NTM: variants seen among roughly 807,000 people sequenced by gnomAD.
NTM encodes neurotrimin.
A neutral mutation model predicts 42.1 loss-of-function variants in NTM; 13 were observed. The ratio of observed to expected loss-of-function variants is 0.31; its 90% confidence interval spans 0.20 to 0.49. The LOEUF (loss-of-function observed/expected upper bound fraction) is 0.49. NTM is among the 20% of genes least tolerant of loss of function. The pLI is 0.99. For synonymous variants in NTM, 187 were observed against 179.2 expected (o/e 1.04, Z -0.35); for missense variants, 373 against 452.8 (o/e 0.82, Z 1.60).
intron 2 of NTM, among the ~76,000 whole-genome samples, chr11:132,051,994 A>G (rs2078920867): frequency 6.6e-6 from 1 of 152,216 alleles, no homozygotes; most frequent in Admixed American, 6.5e-5. Flanking sequence ...GGTCAGAGAC[A>G]GGTGGGAGGC....
intron 1 of NTM, among the ~76,000 whole-genome samples, chr11:131,870,118 C>T (rs192043227): frequency 6.6e-6 from 1 of 152,100 alleles, no homozygotes; most frequent in African/African-American, 2.4e-5. Context: ...TTGCTTTTAT[C>T]GAGTCCATTT....
intron 3 of NTM, among the ~76,000 whole-genome samples, chr11:132,186,819 C>A (rs2078472166): frequency 6.6e-6 from 1 of 152,184 alleles, no homozygotes; most frequent in Non-Finnish European, 1.5e-5. Flanking sequence ...AGGACTCTTG[C>A]AGGTTTGCCC....
intron 1 of NTM, among the ~76,000 whole-genome samples, chr11:131,675,614 C>T (rs796266967): frequency 4.6e-5 from 7 of 152,244 alleles, no homozygotes; most frequent in African/African-American, 7.2e-5. Flanking sequence ...CTCGAGTTCT[C>T]GCAGCTGCTA....
At position 131,398,331 on chromosome 11, in the gene NTM, T is replaced by C. The variant is rs116891680; in HGVS notation, c.82+27443T>C. Among the ~76,000 whole-genome samples the C allele has an allele frequency of 2.0e-5, 3 of 152,336 alleles. No individual in the cohort carries two copies. In the East Asian group the frequency reaches 5.8e-4, roughly 29 times the overall value. On this transcript the variant is annotated intron_variant, in intron 1 of 8. Coordinates refer to ENST00000683400, the MANE Select transcript of NTM (RefSeq NM_001352005.2). Reference sequence around the variant, plus strand: ...TTAAGTAATGTATCTTTATTAAATATAATTTGGAAACCATACAAAGGAAGC... The same window carrying C: ...TTAAGTAATGTATCTTTATTAAATACAATTTGGAAACCATACAAAGGAAGC...
intron 3 of NTM, among the ~76,000 whole-genome samples, chr11:132,170,571 A>G (rs148833003): frequency 6.6e-6 from 1 of 152,320 alleles, no homozygotes; most frequent in East Asian, 1.9e-4. Context: ...TGAATTTTGA[A>G]TCTTACTGTC....
At chr11:131,922,118 C>G (rs528968722) in intron 2 of NTM, 1 of 152,694 alleles carries the variant, frequency 6.5e-6, no homozygotes, top group Non-Finnish European at 1.5e-5. Flanking sequence ...ATTTCCACTC[C>G]TGGAGTCCTC....
rs1482098697 is a variant in NTM, at chr11:132,146,053, T to A, written c.168-229T>A. Among the ~76,000 whole-genome samples, 2 of 152,194 alleles carry A rather than the reference T, an allele frequency of 1.3e-5. No homozygotes were observed. The highest frequency in any genetic ancestry group is 3.9e-4 in the East Asian group (2 of 5,184). On this transcript the variant is annotated intron_variant, in intron 2 of 8. Coordinates refer to ENST00000683400, the MANE Select transcript of NTM (RefSeq NM_001352005.2). The surrounding 1 kb of genome is among the most constrained non-coding windows in gnomAD (Gnocchi z 4.5). Reference sequence around the variant, plus strand: ...GTTATAACTGAGATCGTATTTGAAGTGGTTCTGTGCTCAAGTGGTTTGAGA... The same window carrying A: ...GTTATAACTGAGATCGTATTTGAAGAGGTTCTGTGCTCAAGTGGTTTGAGA...
At chr11:132,142,362 C>A (rs376309464) in intron 2 of NTM, among the ~76,000 whole-genome samples, 1 of 152,140 alleles carries the variant, frequency 6.6e-6, no homozygotes. Context: ...GATACCGTAC[C>A]GTGTTTCAGG....
intron 1 of NTM, among the ~76,000 whole-genome samples, chr11:131,380,508 A>G (rs4936130): frequency 0.2 from 30,855 of 151,810 alleles, 3,720 homozygotes; most frequent in African/African-American, 0.34. Flanking sequence ...ACCGTGCCCA[A>G]CTGAGTCTTC....
chr11:131,976,297 A>C (rs2064373480), intron 2 of NTM, among the ~76,000 whole-genome samples: 3 of 152,130 alleles, frequency 2.0e-5, no homozygotes, highest in African/African-American at 7.2e-5. Context: ...GGGTGAGTAC[A>C]GGAGATGGGT....
chr11:131,506,860 AG>A, intron 1 of NTM, among the ~76,000 whole-genome samples: 1 of 152,336 alleles, frequency 6.6e-6, no homozygotes, highest in East Asian at 1.9e-4. Context: ...CCAGGGGAAC[AG>A]GGCCCAGAGA....
At chr11:131,533,222 C>T (rs1254215511) in intron 1 of NTM, among the ~76,000 whole-genome samples, 2 of 152,202 alleles carry the variant, frequency 1.3e-5, no homozygotes, top group East Asian at 3.8e-4. Context: ...AGGAAAACCA[C>T]TGCAAAATCG....
intron 1 of NTM, among the ~76,000 whole-genome samples, chr11:131,568,538 A>G (rs556207181): frequency 1.3e-5 from 2 of 152,182 alleles, no homozygotes; most frequent in South Asian, 4.1e-4. Context: ...ACCTTTGCAT[A>G]GTTTTGATTG....
intron 2 of NTM, among the ~76,000 whole-genome samples, chr11:132,055,663 G>C (rs931213630): frequency 8.4e-6 from 1 of 118,504 alleles, no homozygotes; most frequent in Admixed American, 8.6e-5. Context: ...GAGAGAGAGA[G>C]CGAGAGTGAG....
At chr11:131,412,786 C>A (rs919301829) in intron 1 of NTM, among the ~76,000 whole-genome samples, 1 of 144,718 alleles carries the variant, frequency 6.9e-6, no homozygotes, top group African/African-American at 2.5e-5. Context: ...TCAGCAAAAG[C>A]AACTCCCTTC....
intron 1 of NTM, among the ~76,000 whole-genome samples, chr11:131,690,665 G>A (rs963565394): frequency 6.6e-6 from 1 of 152,208 alleles, no homozygotes; most frequent in African/African-American, 2.4e-5. Flanking sequence ...GCCTGAGTGC[G>A]GGAGAATGGC....
chr11:131,896,790 G>A (rs1205804372), intron 1 of NTM, among the ~76,000 whole-genome samples: 2 of 146,242 alleles, frequency 1.4e-5, no homozygotes, highest in Admixed American at 1.4e-4. Context: ...CCGGGTTCAC[G>A]CCATTCTCCT....
chr11:131,411,456 G>C (rs11825684), intron 1 of NTM, among the ~76,000 whole-genome samples: 3,347 of 151,828 alleles, frequency 0.022, 40 homozygotes, highest in African/African-American at 0.038. Flanking sequence ...GGAGAAAAAG[G>C]CTTCCGGATT....
At chr11:132,054,588 G>T in intron 2 of NTM, among the ~76,000 whole-genome samples, 1 of 152,222 alleles carries the variant, frequency 6.6e-6, no homozygotes, top group East Asian at 1.9e-4. Flanking sequence ...TGAGTTAAAG[G>T]AATGTCAGCA....
Sources: gnomAD v4.1 joint callset for allele counts (sites outside exome capture counted in the v4.1 genomes callset) on GRCh38, gnomAD v4.1.1 for gene constraint, Gnocchi (gnomAD v3.1) non-coding constraint, MANE v1.5 for transcripts, NCBI Gene and HGNC (gene_info 2026-07-23, HGNC 2026-07-21) for gene names.